The following HS6ST3 variants were observed in gnomAD, a reference collection of about 807,000 sequenced individuals.
The protein encoded by HS6ST3 is heparan sulfate 6-O-sulfotransferase 3.
In HS6ST3, 12 loss-of-function variants were observed where a neutral mutation model predicts 36.7. The ratio of observed to expected loss-of-function variants is 0.33; its 90% CI spans 0.21 to 0.53. HS6ST3 has a LOEUF of 0.53. Ranked by LOEUF, HS6ST3 falls within the 20% of genes least tolerant of loss-of-function variation. The probability of loss-of-function intolerance (pLI) is 0.95; values close to 1 mark genes in which losing one functional copy is unlikely to be tolerated. For synonymous variants in HS6ST3, 240 were observed against 257.5 expected (o/e 0.93, Z 0.65); for missense variants, 584 against 640.9 (o/e 0.91, Z 0.96).
intron 1 of HS6ST3, among the ~76,000 whole-genome samples, chr13:96,710,677 C>T (rs1457363989): frequency 1.3e-5 from 2 of 152,218 alleles, no homozygotes; most frequent in African/African-American, 2.4e-5. Flanking sequence ...CGGGAGGACC[C>T]GAGTCATCAC....
intron 1 of HS6ST3, among the ~76,000 whole-genome samples, chr13:96,545,844 G>A (rs929517229): frequency 7.9e-5 from 12 of 152,150 alleles, no homozygotes; most frequent in Admixed American, 2.0e-4. Context: ...GAGGTAGAAC[G>A]TTAGCTGGGA....
chr13:96,572,403 G>A (rs1460355309), intron 1 of HS6ST3, among the ~76,000 whole-genome samples: 1 of 152,128 alleles, frequency 6.6e-6, no homozygotes, highest in Admixed American at 6.5e-5. Context: ...AGATTCAATA[G>A]CACATTTTTA....
intron 1 of HS6ST3, among the ~76,000 whole-genome samples, chr13:96,724,274 G>A (rs1875942822): frequency 6.6e-6 from 1 of 152,236 alleles, no homozygotes; most frequent in Non-Finnish European, 1.5e-5. Flanking sequence ...AGCTTTAGTG[G>A]TAATTACATA....
intron 1 of HS6ST3, among the ~76,000 whole-genome samples, chr13:96,689,349 A>G (rs1485473596): frequency 6.6e-6 from 1 of 152,064 alleles, no homozygotes; most frequent in African/African-American, 2.4e-5. Context: ...AATAAAATCC[A>G]GGGTCTTTTC....
intron 1 of HS6ST3, among the ~76,000 whole-genome samples, chr13:96,269,238 G>A (rs980992544): frequency 6.6e-6 from 1 of 151,894 alleles, no homozygotes; most frequent in African/African-American, 2.4e-5. Flanking sequence ...GTATTCATGT[G>A]TAATTTTATA....
intron 1 of HS6ST3, among the ~76,000 whole-genome samples, chr13:96,117,726 T>TTA (rs1422509853): frequency 6.6e-6 from 1 of 152,168 alleles, no homozygotes; most frequent in African/African-American, 2.4e-5. Flanking sequence ...AGTGATTGAA[T>TTA]TAAAAATATG....
chr13:96,714,098 A>C (rs1875635806), intron 1 of HS6ST3, among the ~76,000 whole-genome samples: 2 of 152,214 alleles, frequency 1.3e-5, no homozygotes, highest in Admixed American at 6.5e-5. Context: ...AGAAAATATC[A>C]GAATGTTTTA....
chr13:96,336,204 A>G (rs998950748), intron 1 of HS6ST3, among the ~76,000 whole-genome samples: 1 of 152,184 alleles, frequency 6.6e-6, no homozygotes, highest in Non-Finnish European at 1.5e-5. Context: ...AAGACTTTTA[A>G]CAGAAAAGTA....
At chr13:96,289,832 C>T (rs187453136) in intron 1 of HS6ST3, among the ~76,000 whole-genome samples, 4 of 147,736 alleles carry the variant, frequency 2.7e-5, no homozygotes, top group South Asian at 2.3e-4. Context: ...GATTCAAGGG[C>T]GAAGCTTTAT....
intron 1 of HS6ST3, among the ~76,000 whole-genome samples, chr13:96,282,583 G>C (rs548672119): frequency 6.6e-6 from 1 of 152,080 alleles, no homozygotes; most frequent in African/African-American, 2.4e-5. Flanking sequence ...CATCTTTGGC[G>C]TACAATATCT....
chr13:96,351,335 T>TTTTTTTTTTTTTTTTAA (rs1203595829), intron 1 of HS6ST3, among the ~76,000 whole-genome samples: 5 of 146,366 alleles, frequency 3.4e-5, no homozygotes, highest in African/African-American at 1.3e-4. Context: ...TTTTTTTTTT[T>TTTTTTTTTTTTTTTTAA]AAAAAAAACA....
intron 1 of HS6ST3, among the ~76,000 whole-genome samples, chr13:96,280,938 G>T (rs1445346582): frequency 2.0e-5 from 3 of 152,120 alleles, no homozygotes; most frequent in South Asian, 2.1e-4. Context: ...GTAGATACTG[G>T]TTTTTCGTAT....
chr13:96,163,509 G>A (rs4773937), intron 1 of HS6ST3, among the ~76,000 whole-genome samples: 146,910 of 152,196 alleles, frequency 0.97, 71,062 homozygotes, highest in Non-Finnish European at 0.99. Flanking sequence ...GATTACAGGC[G>A]TGAGCCACTG....
intron 1 of HS6ST3, among the ~76,000 whole-genome samples, chr13:96,178,034 A>C (rs572465608): frequency 1.3e-5 from 2 of 152,092 alleles, no homozygotes; most frequent in African/African-American, 2.4e-5. Flanking sequence ...GGGAGGCCTT[A>C]TCTTTTAGAG....
intron 1 of HS6ST3, among the ~76,000 whole-genome samples, chr13:96,254,430 A>G (rs112419201): frequency 2.3e-5 from 1 of 44,024 alleles, no homozygotes; most frequent in Admixed American, 3.9e-4. Context: ...AAAAAAAAAA[A>G]AAAAAAAAAA....
At chr13:96,535,894 C>T (rs1594801883) in intron 1 of HS6ST3, among the ~76,000 whole-genome samples, 1 of 152,142 alleles carries the variant, frequency 6.6e-6, no homozygotes, top group East Asian at 1.9e-4. Context: ...GATGAGTTCA[C>T]CTCCCTCCAA....
chr13:96,519,392 A>C (rs1201789623), intron 1 of HS6ST3, among the ~76,000 whole-genome samples: 1 of 152,198 alleles, frequency 6.6e-6, no homozygotes, highest in Non-Finnish European at 1.5e-5. Flanking sequence ...TTTGAGGTGA[A>C]GTCTTGTTTT....
At chr13:96,173,447 A>T (rs1227379248) in intron 1 of HS6ST3, among the ~76,000 whole-genome samples, 1 of 152,138 alleles carries the variant, frequency 6.6e-6, no homozygotes, top group East Asian at 1.9e-4. Flanking sequence ...GCATCTGAGA[A>T]TTTCTACCAT....
At chr13:96,323,501 T>G (rs969833231) in intron 1 of HS6ST3, among the ~76,000 whole-genome samples, 83 of 152,204 alleles carry the variant, frequency 5.5e-4, no homozygotes, top group African/African-American at 2.0e-3. Context: ...TTGAACTTTA[T>G]TCTCAACATG....
Sources: gnomAD v4.1 joint callset for allele counts (sites outside exome capture counted in the v4.1 genomes callset) on GRCh38, gnomAD v4.1.1 for gene constraint, MANE v1.5 for transcripts, NCBI Gene and HGNC (gene_info 2026-07-23, HGNC 2026-07-21) for gene names.